The following ANKS1B variants were observed in gnomAD, a reference collection of about 807,000 sequenced individuals.
ANKS1B encodes the protein ankyrin repeat and sterile alpha motif domain-containing protein 1B.
Under a neutral mutation model 148.3 loss-of-function variants are expected in ANKS1B, and 36 were observed. The ratio of observed to expected loss-of-function variants is 0.24; its 90% CI spans 0.19 to 0.32. The LOEUF (loss-of-function observed/expected upper bound fraction) is 0.32. ANKS1B is among the 10% of genes least tolerant of loss of function. ANKS1B has a pLI of 1.00. For synonymous variants in ANKS1B, 542 were observed against 560.8 expected (o/e 0.97, Z 0.47); for missense variants, 1,157 against 1,542.6 (o/e 0.75, Z 4.19).
At chr12:98,891,177 T>G (rs201417) in intron 17 of ANKS1B, among the ~76,000 whole-genome samples, 1 of 151,998 alleles carries the variant, frequency 6.6e-6, no homozygotes, top group Admixed American at 6.6e-5. Context: ...AGATTAGAAC[T>G]TGCACTTTTG....
chr12:99,667,352 A>AG (rs2098513772), intron 8 of ANKS1B, among the ~76,000 whole-genome samples: 1 of 150,532 alleles, frequency 6.6e-6, no homozygotes, highest in African/African-American at 2.4e-5. Flanking sequence ...CTGTCTCAAA[A>AG]AAAAAGAAAA....
At chr12:99,902,200 GA>G (rs1485789217) in intron 1 of ANKS1B, among the ~76,000 whole-genome samples, 1 of 152,200 alleles carries the variant, frequency 6.6e-6, no homozygotes, top group African/African-American at 2.4e-5. Flanking sequence ...AAGCCTCTCT[GA>G]GGAGGTGACA....
intron 22 of ANKS1B, among the ~76,000 whole-genome samples, chr12:98,793,718 C>G (rs1451135062): frequency 6.6e-6 from 1 of 152,148 alleles, no homozygotes; most frequent in East Asian, 1.9e-4. Context: ...TACTAACCAT[C>G]AACTATGGGA....
intron 17 of ANKS1B, among the ~76,000 whole-genome samples, chr12:98,929,203 C>G (rs978117164): frequency 6.6e-6 from 1 of 151,740 alleles, no homozygotes; most frequent in Non-Finnish European, 1.5e-5. Flanking sequence ...AAAGAAAATG[C>G]CTAGTAATAG....
intron 12 of ANKS1B, among the ~76,000 whole-genome samples, chr12:99,342,298 G>A (rs1241480111): frequency 6.6e-6 from 1 of 152,044 alleles, no homozygotes; most frequent in Non-Finnish European, 1.5e-5. Context: ...CCTGTAAGAT[G>A]AGTAAGTATC....
intron 17 of ANKS1B, among the ~76,000 whole-genome samples, chr12:98,848,743 GT>G (rs10695483): frequency 1.7e-4 from 8 of 48,088 alleles, no homozygotes; most frequent in Admixed American, 1.3e-3. Flanking sequence ...TGTATGTGTG[GT>G]TTTTTTTTTT....
intron 17 of ANKS1B, among the ~76,000 whole-genome samples, chr12:98,953,345 G>T (rs775119118): frequency 2.2e-4 from 33 of 151,782 alleles, no homozygotes; most frequent in Admixed American, 6.6e-4. Flanking sequence ...TTGTAGAAAT[G>T]GGGTCTTATG....
At chr12:99,183,872 T>C (rs1434855278) in intron 14 of ANKS1B, among the ~76,000 whole-genome samples, 2 of 152,344 alleles carry the variant, frequency 1.3e-5, no homozygotes, top group East Asian at 3.9e-4. Flanking sequence ...GGACTGACAA[T>C]CTATGAAGCA....
At chr12:99,323,495 G>C (rs559869372) in intron 12 of ANKS1B, among the ~76,000 whole-genome samples, 1 of 152,120 alleles carries the variant, frequency 6.6e-6, no homozygotes, top group African/African-American at 2.4e-5. Context: ...CTCAATTCCA[G>C]TACTGACTGG....
intron 16 of ANKS1B, among the ~76,000 whole-genome samples, chr12:99,075,600 T>C (rs2047595008): frequency 6.6e-6 from 1 of 152,124 alleles, no homozygotes; most frequent in African/African-American, 2.4e-5. Context: ...GACCTTAACA[T>C]TGATTACTCT....
At chr12:98,781,517 T>C (rs1473837672) in intron 23 of ANKS1B, 1 of 475,348 alleles carries the variant, frequency 2.1e-6, no homozygotes. Flanking sequence ...AAAGGGTGAA[T>C]GAAGAGGTCT....
intron 12 of ANKS1B, among the ~76,000 whole-genome samples, chr12:99,264,894 T>C (rs964229227): frequency 6.6e-6 from 1 of 152,108 alleles, no homozygotes; most frequent in Admixed American, 6.6e-5. Flanking sequence ...CAAATGTGCC[T>C]CCTGCAATTG....
rs538524436 is a variant in ANKS1B at position 99,852,839 on chromosome 12, G to A, written c.135-27450C>T. 9.0e-4 allele frequency among the ~76,000 whole-genome samples: 137 copies of A among 152,298 alleles called. 3 individuals are homozygous for A. The highest frequency in any genetic ancestry group is 2.6e-3 in the African/African-American group (109 of 41,560). On this transcript the variant is annotated intron_variant, in intron 1 of 26. Coordinates refer to ENST00000683438, the MANE Select transcript of ANKS1B (RefSeq NM_001352186.2). ...AGGCAAGTTCTCCACTCTGCTCAAC[G>A]GCTGCCTGAAAATAAACTCGGTTCT... is the stretch of plus-strand genomic sequence containing the variant.
chr12:99,694,224 T>C (rs768628955), intron 8 of ANKS1B, among the ~76,000 whole-genome samples: 6 of 150,506 alleles, frequency 4.0e-5, no homozygotes, highest in Non-Finnish European at 5.9e-5. Context: ...TCACTGTGTG[T>C]GGTCAGGAGT....
intron 9 of ANKS1B, among the ~76,000 whole-genome samples, chr12:99,581,897 C>CAAAAAAAAA: frequency 1.6e-5 from 1 of 60,756 alleles, no homozygotes; most frequent in Non-Finnish European, 3.6e-5. Flanking sequence ...GACTCCGTCT[C>CAAAAAAAAA]AAAAAAAAAA....
intron 15 of ANKS1B, among the ~76,000 whole-genome samples, chr12:99,089,456 T>G (rs2053290983): frequency 6.6e-6 from 1 of 152,246 alleles, no homozygotes; most frequent in Non-Finnish European, 1.5e-5. Context: ...ACTTGCCATA[T>G]GTAGGTGATG....
chr12:99,333,047 G>A (rs2087907744), intron 12 of ANKS1B, among the ~76,000 whole-genome samples: 1 of 152,062 alleles, frequency 6.6e-6, no homozygotes. Flanking sequence ...TCACGTTTGT[G>A]TTTTAGAAAC....
intron 14 of ANKS1B, among the ~76,000 whole-genome samples, chr12:99,160,054 C>T (rs550231272): frequency 1.2e-4 from 18 of 152,198 alleles, no homozygotes; most frequent in Non-Finnish European, 2.4e-4. Flanking sequence ...ATGTCTTTTG[C>T]CCATTTTTAA....
intron 4 of ANKS1B, among the ~76,000 whole-genome samples, chr12:99,784,390 T>C (rs1384646855): frequency 6.6e-6 from 1 of 152,144 alleles, no homozygotes; most frequent in African/African-American, 2.4e-5. Flanking sequence ...GCCAGGATGG[T>C]CTCGATCTCC....
Sources: allele counts gnomAD v4.1 joint callset (sites outside exome capture counted in the v4.1 genomes callset), GRCh38; gene constraint gnomAD v4.1.1; transcripts MANE v1.5; gene names NCBI Gene and HGNC (gene_info 2026-07-23, HGNC 2026-07-21).